The following ANTKMT variants were observed in gnomAD, a reference collection of about 807,000 sequenced individuals.
The protein encoded by ANTKMT is adenine nucleotide translocase lysine N-methyltransferase.
In ANTKMT, 24 loss-of-function variants were observed where a neutral mutation model predicts 20.7. That is an observed-to-expected ratio of 1.16 (90% CI 0.84 to 1.63). The LOEUF is 1.63. Ranked by LOEUF, ANTKMT falls within the 40% of genes most tolerant of loss-of-function variation. The probability of loss-of-function intolerance (pLI) is 0.00; values close to 1 mark genes in which losing one functional copy is unlikely to be tolerated. For synonymous variants in ANTKMT, 193 were observed against 161.2 expected (o/e 1.20, Z -1.49); for missense variants, 428 against 334.8 (o/e 1.28, Z -2.17).
intron 3 of ANTKMT, 65 bp from the exon 4 acceptor site, chr16:722,019 G>A (rs576379169): frequency 1.9e-6 from 3 of 1,555,392 alleles, no homozygotes; most frequent in African/African-American, 1.4e-5. Flanking sequence ...GCCGGGACTC[G>A]GAAGCTGCGA....
At position 721,677 on chromosome 16, in the gene ANTKMT, A is replaced by G. The variant is rs1303755958; in HGVS notation, c.242A>G (p.Asp81Gly). Residue 81 changes from aspartate to glycine, a missense_variant, in exon 2 of 5, where the codon GAT becomes GGT. Coordinates refer to ENST00000569529, the MANE Select transcript of ANTKMT (RefSeq NM_023933.3). ...LLRGRPGKTVDLGSGDGRIVL... is the reference protein window; with the variant it reads ...LLRGRPGKTVGLGSGDGRIVL... Reference sequence around the variant, plus strand: ...CGAGGACGCCCCGGAAAAACGGTGGATCTGGGCTCTGGCGACGGCAGGATC... The same window carrying G: ...CGAGGACGCCCCGGAAAAACGGTGGGTCTGGGCTCTGGCGACGGCAGGATC... The G allele has an allele frequency of 1.3e-5, 20 of 1,550,964 alleles. No homozygotes were observed. The highest frequency in any genetic ancestry group is 1.6e-5 in the Non-Finnish European group (18 of 1,148,030).
In ANTKMT at chr16:721,840, G is replaced by T. The variant is rs556451617; in HGVS notation, c.307G>T (p.Gly103Cys). 8 of 1,561,276 alleles carry T rather than the reference G, an allele frequency of 5.1e-6. No individual in the cohort carries two copies. The South Asian group carries it at 7.0e-5, about 14-fold the overall frequency. The change falls in exon 3 of 5, where the codon GGC (glycine) becomes TGC (cysteine). Residue 103 changes from glycine to cysteine, a missense_variant. By Grantham distance (159) the Gly-to-Cys change is radical (BLOSUM62 -3). Transcript: ENST00000569529. ...AHRCGLRPAV[G>C]YELNPWLVAL... ...CAGGTGCGGCCTCCGCCCGGCCGTGGGCTACGAGCTGAACCCCTGGCTGGT... is the reference window on the plus strand; with the variant it reads ...CAGGTGCGGCCTCCGCCCGGCCGTGTGCTACGAGCTGAACCCCTGGCTGGT...
chr16:721,701 TCG>T lies in ANTKMT; in HGVS notation c.267_267+1del. On this transcript the variant is annotated splice_donor_variant and coding_sequence_variant, in exon 2 of 5. Transcript: ENST00000569529. LOFTEE classifies it high-confidence loss of function. ...GATCTGGGCTCTGGCGACGGCAGGA[TCG>T]TAAGTGCCTGCGTCTGGGTCTTCGC... 1 of 1,548,900 alleles carries T rather than the reference TCG, an allele frequency of 6.5e-7. No individual in the cohort carries two copies. Among genetic ancestry groups the T allele is most frequent in the South Asian group, 1.2e-5 (1 of 84,006 alleles).
In ANTKMT at chr16:721,363, C is replaced by A. The variant is rs572377243; in HGVS notation, c.89C>A (p.Ser30Ter). ...ALELLQAAAG[S>*]GLAAYAVWAL... ...GAGCTGCTGCAGGCGGCGGCCGGCTCGGGCTTGGCAGCCTACGCGGTGTGG... is the reference window on the plus strand; with the variant it reads ...GAGCTGCTGCAGGCGGCGGCCGGCTAGGGCTTGGCAGCCTACGCGGTGTGG... The change falls in exon 1 of 5, where the codon TCG becomes TAG. Residue 30 changes from serine to a stop codon, truncating the protein, a stop_gained. Transcript: ENST00000569529. LOFTEE classifies it high-confidence loss of function. 1.1e-5 allele frequency: 15 copies of A among 1,332,804 alleles called. No homozygotes were observed. Among genetic ancestry groups the A allele is most frequent in the African/African-American group, 1.1e-4 (7 of 64,990 alleles). The allele number at this position is 1,332,804 out of a possible 1,614,324, so 82.6% of individuals were successfully genotyped here.
Position 722,405 on chromosome 16 carries a change from G to A in ANTKMT, c.556G>A (p.Ala186Thr). The change falls in exon 5 of 5, where the codon GCG becomes ACG. Residue 186 changes from alanine (A) to threonine (T), a missense_variant. Transcript: ENST00000569529. ...ACTCCCCACCTGGCAGCCTGTGACC[G>A]CGGTTGGCGAGGGCCTGGACCGAGT... Reference protein sequence around the residue: ...FPLPTWQPVTAVGEGLDRVWA... With the variant: ...FPLPTWQPVTTVGEGLDRVWA... The A allele has an allele frequency of 1.2e-6, 2 of 1,603,410 alleles. No individual in the cohort carries two copies. Among genetic ancestry groups the A allele is most frequent in the Non-Finnish European group, 1.7e-6 (2 of 1,175,108 alleles).
At position 721,183 on chromosome 16, in the gene ANTKMT, G is replaced by T; in HGVS notation, c.-92G>T. On this transcript the variant is annotated 5_prime_UTR_variant, in exon 1 of 5. Transcript: ENST00000569529. ...GCGCGGCGGCTCCCGGCAGGAGGCA[G>T]AGGGCACACCGCCAGCCCCAGGCCA... 8.5e-7 allele frequency: 1 copy of T among 1,172,366 alleles called. No homozygotes were observed. The highest frequency in any genetic ancestry group is 1.1e-6 in the Non-Finnish European group (1 of 943,058). 72.6% of individuals were successfully genotyped at this position (1,172,366 alleles called of 1,614,324 possible).
At position 722,550 on chromosome 16, in the gene ANTKMT, C is replaced by G; in HGVS notation, c.701C>G (p.Ala234Gly). 1 of 1,606,756 alleles carries G rather than the reference C, an allele frequency of 6.2e-7. No individual in the cohort carries two copies. The highest frequency in any genetic ancestry group is 1.1e-5 in the South Asian group (1 of 91,022). Residue 234 changes from alanine (A) to glycine (G), a missense_variant, in exon 5 of 5, where the codon GCC (alanine) becomes GGC (glycine). Ala to Gly is a moderately conservative substitution (Grantham distance 60, BLOSUM62 0). Transcript: ENST00000569529. ...ATCCCGGGGGGCCTTATTTCTCAGG[C>G]CAGCTGAGTATTAGACACGATAAAG... ...APIPGGLISQ[A>G]S is the part of the protein sequence containing the mutation.
At chr16:721,973 A>AGCC (rs2040244422) in intron 3 of ANTKMT, 32 bp downstream of exon 3, 4 of 1,559,844 alleles carry the variant, frequency 2.6e-6, no homozygotes, top group African/African-American at 1.3e-5. Context: ...ACCCGCTGAC[A>AGCC]GCCCAAGGTG....
In ANTKMT at chr16:721,615, G is replaced by A. The variant is rs753831337; in HGVS notation, c.180G>A (p.Ala60=). 6.5e-7 allele frequency: 1 copy of A among 1,544,114 alleles called. No homozygotes were observed. The highest frequency in any genetic ancestry group is 2.5e-5 in the East Asian group (1 of 40,160). Residue 60 remains alanine, a synonymous_variant, in exon 2 of 5, where the codon GCG becomes GCA. Transcript: ENST00000569529. The part of the protein sequence containing the change: ...PLRLQVPYVG[A]SARQVEHVLS... The stretch of plus-strand genomic sequence containing the variant: ...CGGTCCAGGTGCCCTACGTCGGCGC[G>A]AGCGCGCGGCAGGTGGAGCACGTGT...
chr16:721,791 G>A lies in ANTKMT; in HGVS notation c.268-10G>A. 1 of 1,537,742 alleles carries A rather than the reference G, an allele frequency of 6.5e-7. No homozygotes were observed. Among genetic ancestry groups the A allele is most frequent in the Non-Finnish European group, 8.7e-7 (1 of 1,143,942 alleles). On this transcript the variant is annotated splice_polypyrimidine_tract_variant and intron_variant, in intron 2 of 4. Coordinates refer to ENST00000569529, the MANE Select transcript of ANTKMT (RefSeq NM_023933.3). Reference sequence around the variant, plus strand: ...CCACATCCTGGTTCCCACACTCTCGGTGCCCACAGGTGCTGGCGGCCCACA... The same window carrying A: ...CCACATCCTGGTTCCCACACTCTCGATGCCCACAGGTGCTGGCGGCCCACA...
At chr16:721,980 G>A in intron 3 of ANTKMT, 39 bp downstream of exon 3, 6 of 1,557,402 alleles carry the variant, frequency 3.9e-6, no homozygotes, top group Non-Finnish European at 5.2e-6. Context: ...GACAGCCCAA[G>A]GTGCGGCTGA....
rs757783833 is a variant in ANTKMT at position 722,072 on chromosome 16, C to G, written c.409-12C>G. Reference sequence around the variant, plus strand: ...GGCCTCTCCCCGGCCGGGGCGACTTCTCTTCCGGCAGGTGAGCCTGAGGGA... The same window carrying G: ...GGCCTCTCCCCGGCCGGGGCGACTTGTCTTCCGGCAGGTGAGCCTGAGGGA... On this transcript the variant is annotated splice_polypyrimidine_tract_variant and intron_variant, in intron 3 of 4. Transcript: ENST00000569529. 4.4e-6 allele frequency: 7 copies of G among 1,601,734 alleles called. No homozygotes were observed. The highest frequency in any genetic ancestry group is 3.4e-5 in the South Asian group (3 of 89,142).
Position 721,812 on chromosome 16 carries a change from C to A in ANTKMT, c.279C>A (p.Ala93=). 1 of 1,550,482 alleles carries A rather than the reference C, an allele frequency of 6.4e-7. No homozygotes were observed. Among genetic ancestry groups the A allele is most frequent in the Non-Finnish European group, 8.7e-7 (1 of 1,151,462 alleles). The change falls in exon 3 of 5, where the codon GCC becomes GCA. Residue 93 remains alanine, a synonymous_variant. Transcript: ENST00000569529. ...GSGDGRIVLA[A]HRCGLRPAVG... ...CTCGGTGCCCACAGGTGCTGGCGGC[C>A]CACAGGTGCGGCCTCCGCCCGGCCG... is the stretch of plus-strand genomic sequence containing the variant.
chr16:721,996 G>A, intron 3 of ANTKMT, 55 bp downstream of exon 3: 2 of 1,551,888 alleles, frequency 1.3e-6, no homozygotes, highest in Non-Finnish European at 1.7e-6. Flanking sequence ...GCTGACACCT[G>A]CGAGGGCTGG....
In ANTKMT at chr16:722,468, G is replaced by T. The variant is rs200113308; in HGVS notation, c.619G>T (p.Glu207Ter). 6.2e-7 allele frequency: 1 copy of T among 1,612,034 alleles called. No individual in the cohort carries two copies. The change falls in exon 5 of 5, where the codon GAG (glutamate) becomes TAG (stop). Residue 207 changes from glutamate to a stop codon, truncating the protein, a stop_gained. Transcript: ENST00000569529. LOFTEE classifies it low-confidence loss of function (END_TRUNC). ...TGTTCCTGAGGGTGGGCAGGCTGGG[G>T]AGGCCGCCTCCTCGCGGATACCCAT... is the stretch of plus-strand genomic sequence containing the variant. ...YDVPEGGQAGEAASSRIPIQA... is the reference protein window; with the variant it reads ...YDVPEGGQAG
At position 721,362 on chromosome 16, in the gene ANTKMT, T is replaced by C; in HGVS notation, c.88T>C (p.Ser30Pro). ...ALELLQAAAG[S>P]GLAAYAVWAL... is the part of the protein sequence containing the mutation. ...GGAGCTGCTGCAGGCGGCGGCCGGCTCGGGCTTGGCAGCCTACGCGGTGTG... is the reference window on the plus strand; with the variant it reads ...GGAGCTGCTGCAGGCGGCGGCCGGCCCGGGCTTGGCAGCCTACGCGGTGTG... Residue 30 changes from serine to proline, a missense_variant, in exon 1 of 5, where the codon TCG becomes CCG. Transcript: ENST00000569529. 7.5e-7 allele frequency: 1 copy of C among 1,334,296 alleles called. No individual in the cohort carries two copies. The highest frequency in any genetic ancestry group is 1.9e-5 in the South Asian group (1 of 53,676). 82.7% of individuals were successfully genotyped at this position (1,334,296 alleles called of 1,614,324 possible).
In ANTKMT at chr16:721,896, C is replaced by T; in HGVS notation, c.363C>T (p.Ala121=). ...TGGCGCGGCTGCACGCCTGGAGGGCCGGCTGTGCCGGCAGCGTCTGCTATC... is the reference window on the plus strand; with the variant it reads ...TGGCGCGGCTGCACGCCTGGAGGGCTGGCTGTGCCGGCAGCGTCTGCTATC... ...VALARLHAWR[A]GCAGSVCYRR... is the part of the protein sequence containing the mutation. Residue 121 remains alanine, a synonymous_variant, in exon 3 of 5, where the codon GCC becomes GCT. Transcript: ENST00000569529. 3 of 1,570,786 alleles carry T rather than the reference C, an allele frequency of 1.9e-6. No individual in the cohort carries two copies. The highest frequency in any genetic ancestry group is 4.6e-5 in the East Asian group (2 of 43,786).
Position 722,065 on chromosome 16 carries a change from G to A in ANTKMT, c.409-19G>A. 1 of 1,597,492 alleles carries A rather than the reference G, an allele frequency of 6.3e-7. No individual in the cohort carries two copies. The highest frequency in any genetic ancestry group is 8.5e-7 in the Non-Finnish European group (1 of 1,174,940). On this transcript the variant is annotated intron_variant, in intron 3 of 4. Coordinates refer to ENST00000569529, the MANE Select transcript of ANTKMT (RefSeq NM_023933.3). ...CCCACCAGGCCTCTCCCCGGCCGGG[G>A]CGACTTCTCTTCCGGCAGGTGAGCC...
chr16:721,174 C>T lies in ANTKMT; in HGVS notation c.-101C>T. 1 of 1,140,748 alleles carries T rather than the reference C, an allele frequency of 8.8e-7. No individual in the cohort carries two copies. The highest frequency in any genetic ancestry group is 1.1e-6 in the Non-Finnish European group (1 of 915,282). 70.7% of individuals were successfully genotyped at this position (1,140,748 alleles called of 1,614,324 possible). A position where few individuals can be genotyped will look rare whatever the true frequency, so the allele number is the denominator to read the frequency against. On this transcript the variant is annotated 5_prime_UTR_variant, in exon 1 of 5. Transcript: ENST00000569529. ...TCCGGTGTCGCGCGGCGGCTCCCGG[C>T]AGGAGGCAGAGGGCACACCGCCAGC...
Sources: allele counts gnomAD v4.1 joint callset, GRCh38; gene constraint gnomAD v4.1.1; transcripts MANE v1.5; gene names NCBI Gene and HGNC (gene_info 2026-07-23, HGNC 2026-07-21).